CA5A: variants seen among roughly 807,000 people sequenced by gnomAD.
CA5A encodes the protein carbonic anhydrase 5A, mitochondrial.
In CA5A, 28 loss-of-function variants were observed where a neutral mutation model predicts 37.1. The observed-to-expected ratio is 0.75, with a 90% CI of 0.56 to 1.03. The LOEUF is 1.03. CA5A is among the 50% of genes least tolerant of loss of function. The pLI, the probability that CA5A is intolerant of heterozygous loss-of-function variation, is 0.00. For missense variants in CA5A, 444 were observed against 399.9 expected, an observed-to-expected ratio of 1.11 and a Z score of -0.94; for synonymous variants, 171 against 158.4, an observed-to-expected ratio of 1.08 and a Z score of -0.60.
chr16:87,897,463 G>C (rs965884444), intron 5 of CA5A, among the ~76,000 whole-genome samples: 1 of 150,852 alleles, frequency 6.6e-6, no homozygotes, highest in African/African-American at 2.4e-5. Flanking sequence ...TGGGAGCTGA[G>C]TGCATAGTGA....
At chr16:87,923,307 G>A (rs1438699425) in intron 2 of CA5A, among the ~76,000 whole-genome samples, 1 of 152,112 alleles carries the variant, frequency 6.6e-6, no homozygotes, top group Admixed American at 6.5e-5. Flanking sequence ...TCCTGCCTCA[G>A]TCCCCCGAGG....
chr16:87,915,669 A>C (rs2056128703), intron 2 of CA5A, among the ~76,000 whole-genome samples: 1 of 132,072 alleles, frequency 7.6e-6, no homozygotes. Flanking sequence ...AGCCTGGGCG[A>C]CAGAGCAAGA....
chr16:87,930,432 C>T (rs1487200657), intron 1 of CA5A, among the ~76,000 whole-genome samples: 1 of 152,164 alleles, frequency 6.6e-6, no homozygotes, highest in Non-Finnish European at 1.5e-5. Context: ...TTCCTCTGTT[C>T]TTTGTAGACC....
Position 87,904,773 on chromosome 16 carries a change from C to G in CA5A, c.459+13G>C, listed in dbSNP as rs2055933588. The G allele has an allele frequency of 6.6e-7, 1 of 1,526,396 alleles. No individual in the cohort carries two copies. The highest frequency in any genetic ancestry group is 9.1e-7 in the Non-Finnish European group (1 of 1,100,060). The allele number at this position is 1,526,396 out of a possible 1,614,324, so 94.6% of individuals were successfully genotyped here. On this transcript the variant is annotated intron_variant, in intron 3 of 6. Coordinates refer to ENST00000649794, the MANE Select transcript of CA5A (RefSeq NM_001739.2). ...AGTGTGCAGATATGTGCTGTTAGGC[C>G]ACGTCTACAAACCTCTGCGGGGTAC...
chr16:87,903,177 A>G (rs1285176665), intron 3 of CA5A, among the ~76,000 whole-genome samples: 2 of 152,144 alleles, frequency 1.3e-5, no homozygotes, highest in African/African-American at 4.8e-5. Flanking sequence ...TCACGCCTAT[A>G]ATCTCAGCAC....
chr16:87,886,232 C>A (rs1282418259), downstream of CA5A: 1 of 150,184 alleles, frequency 6.7e-6, no homozygotes, highest in African/African-American at 2.5e-5. Context: ...TCACTACAAC[C>A]TCCGCCTCAC....
At chr16:87,925,961 G>A (rs553986067) in intron 2 of CA5A, among the ~76,000 whole-genome samples, 58 of 152,310 alleles carry the variant, frequency 3.8e-4, no homozygotes, top group African/African-American at 1.1e-3. Flanking sequence ...GGTGGCTCAC[G>A]CCTGTAACCC....
intron 1 of CA5A, among the ~76,000 whole-genome samples, chr16:87,930,462 C>T (rs1425830979): frequency 6.6e-6 from 1 of 152,186 alleles, no homozygotes; most frequent in African/African-American, 2.4e-5. Flanking sequence ...GACCTCCCCC[C>T]TCCGGACCCT....
chr16:87,899,620 T>G (rs1368371556), intron 5 of CA5A, among the ~76,000 whole-genome samples: 1 of 150,152 alleles, frequency 6.7e-6, no homozygotes, highest in Non-Finnish European at 1.5e-5. Context: ...GTCTTTTAAT[T>G]TCTCAAAGGT....
intron 6 of CA5A, among the ~76,000 whole-genome samples, chr16:87,888,481 G>T (rs570419940): frequency 6.6e-6 from 1 of 152,134 alleles, no homozygotes; most frequent in African/African-American, 2.4e-5. Context: ...CACTTGCTCT[G>T]GGGGGAAGCT....
chr16:87,895,823 G>A (rs1261657044), intron 5 of CA5A, among the ~76,000 whole-genome samples: 8 of 152,136 alleles, frequency 5.3e-5, no homozygotes, highest in Non-Finnish European at 8.8e-5. Context: ...CACCCACACC[G>A]CAGCATGAGT....
chr16:87,888,196 A>T lies in CA5A; in HGVS notation c.851T>A (p.Leu284His). Residue 284 changes from leucine to histidine, a missense_variant, in exon 7 of 7, where the codon CTT (leucine) becomes CAT (histidine). Transcript: ENST00000649794. The part of the protein sequence containing the change: ...EKMMVNNYRP[L>H]QPLMNRKVWA... ...GACCTTCCGGTTCATCAAGGGTTGAAGTGGGCGATAGTTGTTCACCATCAT... is the reference window on the plus strand; with the variant it reads ...GACCTTCCGGTTCATCAAGGGTTGATGTGGGCGATAGTTGTTCACCATCAT... The T allele has an allele frequency of 6.2e-7, 1 of 1,613,920 alleles. No individual in the cohort carries two copies. The highest frequency in any genetic ancestry group is 8.5e-7 in the Non-Finnish European group (1 of 1,179,860).
Position 87,936,523 on chromosome 16 carries a change from G to A in CA5A, c.-73C>T. ...TGCTGTCTGTTCTCACTTTGATCAG[G>A]ACCACTGTGGACTGGCGTGTACCCA... On this transcript the variant is annotated 5_prime_UTR_variant, in exon 1 of 7. Transcript: ENST00000649794. The A allele has an allele frequency of 1.3e-6, 2 of 1,578,984 alleles. No homozygotes were observed. Among genetic ancestry groups the A allele is most frequent in the Non-Finnish European group, 1.7e-6 (2 of 1,158,056 alleles).
At chr16:87,928,810 C>G (rs1165650550) in intron 1 of CA5A, among the ~76,000 whole-genome samples, 1 of 138,608 alleles carries the variant, frequency 7.2e-6, no homozygotes, top group Non-Finnish European at 1.5e-5. Context: ...ACTCGGTCGC[C>G]CAGGCTGCAG....
At chr16:87,906,654 C>T (rs941567599) in intron 2 of CA5A, among the ~76,000 whole-genome samples, 1 of 151,860 alleles carries the variant, frequency 6.6e-6, no homozygotes, top group African/African-American at 2.4e-5. Context: ...TAGTTGGAGG[C>T]ACCAAGGTGT....
At position 87,930,891 on chromosome 16, in the gene CA5A, C is replaced by T. The variant is rs144616293; in HGVS notation, c.143-3946G>A. 9.5e-3 allele frequency among the ~76,000 whole-genome samples: 1,438 copies of T among 152,098 alleles called. 11 individuals carry two copies. Among genetic ancestry groups the T allele is most frequent in the Middle Eastern group, 0.031 (9 of 292 alleles). ...AAGTAGCTGGGGTTACAGGCATGTG[C>T]CACCACGCCTGGGGAATTTTTGTAT... On this transcript the variant is annotated intron_variant, in intron 1 of 6. Coordinates refer to ENST00000649794, the MANE Select transcript of CA5A (RefSeq NM_001739.2).
intron 5 of CA5A, 43 bp from the exon 6 acceptor site, chr16:87,891,997 G>C (rs1404923475): frequency 6.8e-7 from 1 of 1,476,508 alleles, no homozygotes; most frequent in Non-Finnish European, 8.9e-7. Flanking sequence ...CCTCAGGGGA[G>C]ACTAGGAGCT....
At chr16:87,901,578 C>CTTTCTTTTCT (rs10650335) in intron 5 of CA5A, among the ~76,000 whole-genome samples, 1 of 149,428 alleles carries the variant, frequency 6.7e-6, no homozygotes, top group African/African-American at 2.5e-5. Context: ...ATACTGATTT[C>CTTTCTTTTCT]TTTCTTTTCT....
chr16:87,929,851 A>G (rs982653175), intron 1 of CA5A, among the ~76,000 whole-genome samples: 56 of 143,484 alleles, frequency 3.9e-4, no homozygotes, highest in Non-Finnish European at 4.8e-4. Context: ...CAGCCTGGGC[A>G]ATACAGCGAG....
Sources: allele counts gnomAD v4.1 joint callset (sites outside exome capture counted in the v4.1 genomes callset), GRCh38; gene constraint gnomAD v4.1.1; transcripts MANE v1.5; gene names NCBI Gene and HGNC (gene_info 2026-07-23, HGNC 2026-07-21).